STIMATE: variants seen among roughly 807,000 people sequenced by gnomAD.
The protein encoded by STIMATE is store-operated calcium entry regulator STIMATE.
STIMATE carries 15 observed loss-of-function variants against 36.7 expected under a neutral mutation model. That is an observed-to-expected ratio of 0.41 (90% confidence interval 0.27 to 0.63). The LOEUF is 0.63. Ranked by LOEUF, STIMATE falls within the 20% of genes least tolerant of loss-of-function variation. STIMATE has a pLI of 0.32. For synonymous variants in STIMATE, 163 were observed against 162.3 expected (o/e 1.00, Z -0.03); for missense variants, 305 against 397.3 (o/e 0.77, Z 1.98).
chr3:52,856,802 C>T lies in STIMATE; in HGVS notation c.161-1358G>A, dbSNP rs1319813918. 2.6e-5 allele frequency among the ~76,000 whole-genome samples: 4 copies of T among 152,246 alleles called. 1 individual carries two copies. The highest frequency in any genetic ancestry group is 1.9e-4 in the East Asian group (1 of 5,204). On this transcript the variant is annotated intron_variant, in intron 1 of 7. Transcript: ENST00000355083. ...GATAGCAAAGAACTTGCCCGATTTA[C>T]GTCTGAACCTTGGGTCTGTAGACAC...
intron 7 of STIMATE, among the ~76,000 whole-genome samples, chr3:52,842,062 A>G (rs1175246582): frequency 1.3e-5 from 2 of 152,148 alleles, no homozygotes; most frequent in African/African-American, 4.8e-5. Context: ...TCAATCTTAG[A>G]ACATATTACG....
intron 1 of STIMATE, among the ~76,000 whole-genome samples, chr3:52,864,883 T>C (rs1701276901): frequency 6.6e-6 from 1 of 151,966 alleles, no homozygotes; most frequent in South Asian, 2.1e-4. Flanking sequence ...TGAGACCACC[T>C]CAGCCTGGAC....
At chr3:52,843,864 G>A in intron 5 of STIMATE, 66 bp from the exon 6 acceptor site, 2 of 1,576,684 alleles carry the variant, frequency 1.3e-6, no homozygotes, top group East Asian at 2.2e-5. Flanking sequence ...GGGTGGGTGG[G>A]TGGTACCCAT....
chr3:52,874,068 A>G (rs1381210265), intron 1 of STIMATE, among the ~76,000 whole-genome samples: 2 of 152,210 alleles, frequency 1.3e-5, no homozygotes, highest in Non-Finnish European at 2.9e-5. Flanking sequence ...CTTTTCCTCT[A>G]TAGTTACACC....
At chr3:52,862,568 A>G (rs1464652528) in intron 1 of STIMATE, among the ~76,000 whole-genome samples, 1 of 152,242 alleles carries the variant, frequency 6.6e-6, no homozygotes, top group Non-Finnish European at 1.5e-5. Context: ...TATAAAATTC[A>G]AAGAGTATAT....
chr3:52,892,911 T>C (rs1244874861), intron 1 of STIMATE, among the ~76,000 whole-genome samples: 4 of 152,132 alleles, frequency 2.6e-5, no homozygotes, highest in African/African-American at 7.2e-5. Context: ...ATCTAATAAC[T>C]GCTCCAGACC....
At position 52,842,980 on chromosome 3, in the gene STIMATE, A is replaced by T. The variant is rs1553627627; in HGVS notation, c.619-20T>A. On this transcript the variant is annotated intron_variant, in intron 6 of 7. Coordinates refer to ENST00000355083, the MANE Select transcript of STIMATE (RefSeq NM_198563.5). ...CAAAGCCTGTGGGAAGGAAAAGTGC[A>T]GGTTACTTTGGGATAAACCATTTTT... 3 of 1,614,138 alleles carry T rather than the reference A, an allele frequency of 1.9e-6. No individual in the cohort carries two copies. The East Asian group carries it at 6.7e-5, about 36-fold the overall frequency.
At chr3:52,887,593 T>C (rs1220809818) in intron 1 of STIMATE, among the ~76,000 whole-genome samples, 1 of 152,228 alleles carries the variant, frequency 6.6e-6, no homozygotes, top group East Asian at 1.9e-4. Context: ...AGCAGCTTCC[T>C]GGTAGGGCTC....
chr3:52,846,378 G>C (rs962324703), intron 4 of STIMATE: 1 of 152,356 alleles, frequency 6.6e-6, no homozygotes, highest in South Asian at 2.1e-4. Context: ...AACAACAGAT[G>C]AACTTATTTG....
intron 5 of STIMATE, among the ~76,000 whole-genome samples, chr3:52,844,625 T>C (rs1700862001): frequency 3.3e-5 from 5 of 152,246 alleles, no homozygotes; most frequent in Admixed American, 3.3e-4. Flanking sequence ...TCCCAAGGCT[T>C]CATCTAGAAC....
chr3:52,867,330 G>A (rs975895268), intron 1 of STIMATE, among the ~76,000 whole-genome samples: 1 of 152,200 alleles, frequency 6.6e-6, no homozygotes, highest in Non-Finnish European at 1.5e-5. Context: ...AAGATGCTTT[G>A]GATCACTCTC....
intron 1 of STIMATE, among the ~76,000 whole-genome samples, chr3:52,864,512 T>A (rs1361960325): frequency 1.3e-5 from 2 of 152,214 alleles, no homozygotes; most frequent in Non-Finnish European, 2.9e-5. Flanking sequence ...CCTGGAGACA[T>A]TTTCCCCATG....
chr3:52,855,947 C>T (rs1034863022), intron 1 of STIMATE, among the ~76,000 whole-genome samples: 3 of 152,166 alleles, frequency 2.0e-5, no homozygotes, highest in East Asian at 1.9e-4. Flanking sequence ...TGAAGTCTGT[C>T]GCAGAACGAT....
chr3:52,858,238 T>G (rs1224388082), intron 1 of STIMATE, among the ~76,000 whole-genome samples: 1 of 152,218 alleles, frequency 6.6e-6, no homozygotes, highest in Non-Finnish European at 1.5e-5. Flanking sequence ...GATATTTGGC[T>G]ATTCATTACA....
intron 1 of STIMATE, among the ~76,000 whole-genome samples, chr3:52,871,400 G>C (rs1262122105): frequency 2.0e-5 from 3 of 152,044 alleles, no homozygotes; most frequent in Non-Finnish European, 2.9e-5. Flanking sequence ...ATCTGTGTGG[G>C]AGCACCTGCG....
chr3:52,877,443 T>C (rs1316509138), intron 1 of STIMATE, among the ~76,000 whole-genome samples: 1 of 152,154 alleles, frequency 6.6e-6, no homozygotes, highest in African/African-American at 2.4e-5. Context: ...TAAGTAAATG[T>C]GTGCCATGGC....
At chr3:52,850,303 G>A (rs1304678075) in intron 3 of STIMATE, among the ~76,000 whole-genome samples, 4 of 152,166 alleles carry the variant, frequency 2.6e-5, no homozygotes, top group Non-Finnish European at 5.9e-5. Flanking sequence ...GTGGTGGCGC[G>A]CACCTGTAGT....
At chr3:52,886,984 C>A (rs965817095) in intron 1 of STIMATE, among the ~76,000 whole-genome samples, 1 of 152,040 alleles carries the variant, frequency 6.6e-6, no homozygotes, top group Non-Finnish European at 1.5e-5. Context: ...AGTGTCAAGG[C>A]TAGGAAGGAC....
At chr3:52,859,683 A>T (rs1701181220) in intron 1 of STIMATE, among the ~76,000 whole-genome samples, 1 of 151,482 alleles carries the variant, frequency 6.6e-6, no homozygotes, top group Non-Finnish European at 1.5e-5. Context: ...TTCAAAAAAA[A>T]AAGAGAGAAA....
Sources: allele counts gnomAD v4.1 joint callset (sites outside exome capture counted in the v4.1 genomes callset), GRCh38; gene constraint gnomAD v4.1.1; transcripts MANE v1.5; gene names NCBI Gene and HGNC (gene_info 2026-07-23, HGNC 2026-07-21).